The following GABRA2 variants were observed in gnomAD, a reference collection of about 807,000 sequenced individuals.
GABRA2 encodes gamma-aminobutyric acid type A receptor subunit alpha2.
Under a neutral mutation model 48.7 loss-of-function variants are expected in GABRA2, and 16 were observed. The observed-to-expected ratio is 0.33, with a 90% confidence interval of 0.22 to 0.50. The LOEUF (loss-of-function observed/expected upper bound fraction) is 0.50, where lower values mean the gene tolerates loss of function less well. GABRA2 is among the 20% of genes least tolerant of loss of function. The probability of loss-of-function intolerance (pLI) is 0.98; values close to 1 mark genes in which losing one functional copy is unlikely to be tolerated. For missense variants in GABRA2, 275 were observed against 535.6 expected (o/e 0.51, Z 4.80); for synonymous variants, 185 against 184.5 (o/e 1.00, Z -0.02).
chr4:46,309,829 T>A (rs1464492010), intron 6 of GABRA2, among the ~76,000 whole-genome samples: 1 of 152,160 alleles, frequency 6.6e-6, no homozygotes, highest in Non-Finnish European at 1.5e-5. Context: ...TTCCAATTCA[T>A]TCTTAGTTGA....
intron 3 of GABRA2, among the ~76,000 whole-genome samples, chr4:46,384,765 T>C (rs940938907): frequency 4.6e-5 from 7 of 152,196 alleles, no homozygotes; most frequent in African/African-American, 1.2e-4. Context: ...TTGCCACATA[T>C]GTTAACCTGG....
chr4:46,361,200 T>G (rs1301447139), intron 3 of GABRA2, among the ~76,000 whole-genome samples: 3 of 152,102 alleles, frequency 2.0e-5, no homozygotes, highest in Non-Finnish European at 4.4e-5. Context: ...CTCCTGGGCA[T>G]GTAAGAGACC....
At position 46,388,729 on chromosome 4, in the gene GABRA2, A is replaced by G; in HGVS notation, c.-10-13T>C. The G allele has an allele frequency of 1.2e-6, 2 of 1,613,516 alleles. No individual in the cohort carries two copies. The highest frequency in any genetic ancestry group is 2.2e-5 in the South Asian group (2 of 90,856). ...CATCACCGCCGCTCTTTACAAAGCC[A>G]TGGAATGAAAAACAAAATACACTTA... is the stretch of plus-strand genomic sequence containing the variant. On this transcript the variant is annotated splice_polypyrimidine_tract_variant and intron_variant, in intron 1 of 9. Transcript: ENST00000381620.
intron 3 of GABRA2, among the ~76,000 whole-genome samples, chr4:46,373,167 A>G (rs570085048): frequency 6.6e-6 from 1 of 152,336 alleles, no homozygotes; most frequent in East Asian, 1.9e-4. Context: ...CGCGGTGAAC[A>G]TCTGTGTAAC....
At chr4:46,303,704 T>C in intron 7 of GABRA2, 92 bp from the exon 8 acceptor site, 3 of 1,134,506 alleles carry the variant, frequency 2.6e-6, no homozygotes, top group Non-Finnish European at 3.8e-6. Context: ...CAAAAACTGA[T>C]TTTTTAAAAA....
intron 8 of GABRA2, among the ~76,000 whole-genome samples, chr4:46,263,096 C>A (rs1660515491): frequency 6.6e-6 from 1 of 151,644 alleles, no homozygotes; most frequent in African/African-American, 2.4e-5. Flanking sequence ...TATACATATA[C>A]ATGTATGTAC....
chr4:46,267,880 G>T (rs1389186450), intron 8 of GABRA2, among the ~76,000 whole-genome samples: 1 of 151,904 alleles, frequency 6.6e-6, no homozygotes, highest in African/African-American at 2.4e-5. Context: ...TGTCATTGTA[G>T]ATTTCAGATT....
chr4:46,251,757 G>A (rs1714805855), intron 9 of GABRA2, among the ~76,000 whole-genome samples: 1 of 151,362 alleles, frequency 6.6e-6, no homozygotes, highest in Non-Finnish European at 1.5e-5. Context: ...GTGATTATTC[G>A]ACTGACATCT....
chr4:46,337,150 G>T (rs957934680), intron 3 of GABRA2, among the ~76,000 whole-genome samples: 1 of 152,004 alleles, frequency 6.6e-6, no homozygotes, highest in African/African-American at 2.4e-5. Context: ...TAGAAAAAAA[G>T]CATTTAAAAA....
chr4:46,289,386 A>G (rs777051420), intron 8 of GABRA2, among the ~76,000 whole-genome samples: 1 of 152,210 alleles, frequency 6.6e-6, no homozygotes, highest in Non-Finnish European at 1.5e-5. Flanking sequence ...GAATGAGATC[A>G]CGTCCTTTGC....
intron 9 of GABRA2, among the ~76,000 whole-genome samples, chr4:46,253,591 C>G (rs553358599): frequency 6.6e-6 from 1 of 151,634 alleles, no homozygotes; most frequent in African/African-American, 2.4e-5. Flanking sequence ...TCAGCAAAAA[C>G]TTCAGAGTAG....
intron 8 of GABRA2, among the ~76,000 whole-genome samples, chr4:46,274,475 G>A (rs1248347141): frequency 6.6e-6 from 1 of 152,074 alleles, no homozygotes; most frequent in Non-Finnish European, 1.5e-5. Context: ...ATACATTAAA[G>A]TGTTTAAATT....
At chr4:46,255,038 C>A (rs554749256) in intron 9 of GABRA2, among the ~76,000 whole-genome samples, 2 of 151,624 alleles carry the variant, frequency 1.3e-5, no homozygotes, top group African/African-American at 4.8e-5. Context: ...TACTTAGTTG[C>A]CATTTCATGC....
At position 46,246,499 on chromosome 4, in the gene GABRA2, G is replaced by T. The variant is rs1167599742; in HGVS notation, c.*3809C>A. ...TCCCCAGTTAAAATTTTACACTTCT[G>T]CATACTTTAAATTAATAAAAGGGAA... On this transcript the variant is annotated 3_prime_UTR_variant, in exon 10 of 10. Transcript: ENST00000381620. 2.6e-5 allele frequency among the ~76,000 whole-genome samples: 4 copies of T among 150,996 alleles called. No individual in the cohort carries two copies. The highest frequency in any genetic ancestry group is 9.7e-5 in the African/African-American group (4 of 41,300).
chr4:46,259,239 G>T (rs548914144), intron 9 of GABRA2, among the ~76,000 whole-genome samples: 8 of 151,956 alleles, frequency 5.3e-5, no homozygotes, highest in African/African-American at 1.9e-4. Flanking sequence ...TATGAAAAAG[G>T]GTTCCATAAG....
At chr4:46,353,790 C>T (rs193037601) in intron 3 of GABRA2, among the ~76,000 whole-genome samples, 141 of 152,232 alleles carry the variant, frequency 9.3e-4, no homozygotes, top group South Asian at 1.5e-3. Context: ...TTCCAATTCT[C>T]CCACTTCTTA....
chr4:46,289,066 C>A (rs1333847073), intron 8 of GABRA2, among the ~76,000 whole-genome samples: 1 of 151,934 alleles, frequency 6.6e-6, no homozygotes, highest in Non-Finnish European at 1.5e-5. Flanking sequence ...CAGATGCTGG[C>A]AGGATATGGA....
chr4:46,359,839 C>T (rs980838387), intron 3 of GABRA2, among the ~76,000 whole-genome samples: 2 of 151,784 alleles, frequency 1.3e-5, no homozygotes, highest in African/African-American at 4.8e-5. Context: ...ATGGCGTGAA[C>T]CTGGGAGGCA....
In GABRA2 at chr4:46,316,979, T is replaced by C. The variant is rs979281405; in HGVS notation, c.256-4263A>G. Among the ~76,000 whole-genome samples, 7 of 152,054 alleles carry C rather than the reference T, an allele frequency of 4.6e-5. No individual in the cohort carries two copies. The East Asian group carries it at 5.8e-4, about 13-fold the overall frequency. The stretch of plus-strand genomic sequence containing the variant: ...GGCTAAAGCAATTTACATAGTTAAA[T>C]TGATGGATACTTGGTGTAGTAGGTA... On this transcript the variant is annotated intron_variant, in intron 4 of 9. Coordinates refer to ENST00000381620, the MANE Select transcript of GABRA2 (RefSeq NM_000807.4).
Sources: gnomAD v4.1 joint callset for allele counts (sites outside exome capture counted in the v4.1 genomes callset) on GRCh38, gnomAD v4.1.1 for gene constraint, MANE v1.5 for transcripts, NCBI Gene and HGNC (gene_info 2026-07-23, HGNC 2026-07-21) for gene names.